Variants in MACROD2 observed in about 807,000 individuals in gnomAD.
MACROD2 encodes the protein ADP-ribose glycohydrolase MACROD2.
MACROD2 carries 36 observed loss-of-function variants against 70.4 expected under a neutral mutation model. The observed-to-expected ratio is 0.51, with a 90% confidence interval of 0.39 to 0.68. The LOEUF is 0.68. Ranked by LOEUF, MACROD2 falls within the 30% of genes least tolerant of loss-of-function variation. The probability of loss-of-function intolerance (pLI) is 0.00; values close to 1 mark genes in which losing one functional copy is unlikely to be tolerated. For synonymous variants in MACROD2, 172 were observed against 178.8 expected, an observed-to-expected ratio of 0.96 and a Z score of 0.30; for missense variants, 496 against 538.4, an observed-to-expected ratio of 0.92 and a Z score of 0.78.
At chr20:15,821,643 G>T (rs899088237) in intron 8 of MACROD2, among the ~76,000 whole-genome samples, 1 of 152,140 alleles carries the variant, frequency 6.6e-6, no homozygotes, top group Non-Finnish European at 1.5e-5. Flanking sequence ...TGGATAGTGT[G>T]TCCGTATTGA....
At chr20:14,985,171 A>T (rs1414210243) in intron 5 of MACROD2, among the ~76,000 whole-genome samples, 1 of 152,164 alleles carries the variant, frequency 6.6e-6, no homozygotes, top group Non-Finnish European at 1.5e-5. Flanking sequence ...CAAGACAGCC[A>T]CCACTTGTCT....
intron 6 of MACROD2, among the ~76,000 whole-genome samples, chr20:15,264,868 G>A (rs60994691): frequency 0.014 from 2,193 of 152,204 alleles, 55 homozygotes; most frequent in African/African-American, 0.05. Flanking sequence ...ATAGTGAGAT[G>A]GACAGACTGG....
chr20:15,969,369 G>A (rs1314656283), intron 13 of MACROD2, among the ~76,000 whole-genome samples: 2 of 151,920 alleles, frequency 1.3e-5, no homozygotes, highest in Non-Finnish European at 2.9e-5. Flanking sequence ...AAACAATAAG[G>A]CAAGAGAAGT....
At chr20:15,423,766 G>T (rs181161498) in intron 6 of MACROD2, among the ~76,000 whole-genome samples, 1 of 151,730 alleles carries the variant, frequency 6.6e-6, no homozygotes, top group Non-Finnish European at 1.5e-5. Context: ...AGGTTTCAGC[G>T]TATGGATTTA....
At chr20:14,240,157 G>A (rs187637026) in intron 3 of MACROD2, among the ~76,000 whole-genome samples, 1 of 152,274 alleles carries the variant, frequency 6.6e-6, no homozygotes, top group African/African-American at 2.4e-5. Flanking sequence ...ATACCAGTCA[G>A]AATGGCTGTC....
intron 3 of MACROD2, among the ~76,000 whole-genome samples, chr20:14,421,754 T>C (rs199529118): frequency 8.5e-5 from 13 of 152,290 alleles, no homozygotes; most frequent in Middle Eastern, 3.4e-3. Context: ...TCCATTGTGA[T>C]TGGAATTTTT....
At chr20:15,265,944 C>T (rs1336869965) in intron 6 of MACROD2, among the ~76,000 whole-genome samples, 1 of 152,224 alleles carries the variant, frequency 6.6e-6, no homozygotes, top group Non-Finnish European at 1.5e-5. Context: ...CATCTGCTAA[C>T]ATTCCCTCAG....
chr20:14,265,212 A>G (rs375385983), intron 3 of MACROD2, among the ~76,000 whole-genome samples: 2 of 152,238 alleles, frequency 1.3e-5, no homozygotes, highest in South Asian at 2.1e-4. Context: ...ATTTCCAAGT[A>G]TCACAGTGAA....
rs73897807 is a variant in MACROD2, at chr20:15,681,103, C to T, written c.645+181256C>T. On this transcript the variant is annotated intron_variant, in intron 8 of 17. Coordinates refer to ENST00000684519, the MANE Select transcript of MACROD2 (RefSeq NM_001351661.2). ...TGGGAATGAAGTGAAAACGTCCACT[C>T]CAATCTTCTTACCAAGGTACAGGCA... 6.0e-3 allele frequency among the ~76,000 whole-genome samples: 919 copies of T among 152,318 alleles called. 13 individuals carry two copies. Among genetic ancestry groups the T allele is most frequent in the African/African-American group, 0.021 (892 of 41,554 alleles).
chr20:15,355,647 A>G (rs991572336), intron 6 of MACROD2, among the ~76,000 whole-genome samples: 7 of 152,152 alleles, frequency 4.6e-5, no homozygotes, highest in African/African-American at 1.7e-4. Context: ...CTCTTTAATC[A>G]TGTGGTTGGC....
At chr20:14,242,833 A>G (rs556986241) in intron 3 of MACROD2, among the ~76,000 whole-genome samples, 1 of 152,322 alleles carries the variant, frequency 6.6e-6, no homozygotes, top group East Asian at 1.9e-4. Flanking sequence ...TTTCATTATG[A>G]TCACATCCCT....
chr20:14,643,758 C>T (rs1985221657), intron 4 of MACROD2, among the ~76,000 whole-genome samples: 1 of 152,152 alleles, frequency 6.6e-6, no homozygotes, highest in Admixed American at 6.5e-5. Context: ...CATGACAAGG[C>T]ACCTGTGGTG....
chr20:14,518,436 C>G (rs2123169065), intron 4 of MACROD2, among the ~76,000 whole-genome samples: 1 of 152,112 alleles, frequency 6.6e-6, no homozygotes, highest in East Asian at 1.9e-4. Context: ...GATAAAGCAG[C>G]CTTCTTTATT....
At chr20:14,718,467 C>T (rs1427223657) in intron 5 of MACROD2, among the ~76,000 whole-genome samples, 1 of 151,906 alleles carries the variant, frequency 6.6e-6, no homozygotes. Flanking sequence ...AACTCCTTCT[C>T]TCCCTCCACT....
At chr20:15,503,938 A>G (rs73254799) in intron 8 of MACROD2, among the ~76,000 whole-genome samples, 8,656 of 152,246 alleles carry the variant, frequency 0.057, 797 homozygotes, top group African/African-American at 0.19. Flanking sequence ...TTATTATTCA[A>G]CATTCACAAA....
chr20:15,956,660 C>T (rs2065981139), intron 12 of MACROD2, among the ~76,000 whole-genome samples: 2 of 152,166 alleles, frequency 1.3e-5, no homozygotes, highest in African/African-American at 4.8e-5. Context: ...GGAACAGCAG[C>T]AGCGGTGTCA....
intron 4 of MACROD2, among the ~76,000 whole-genome samples, chr20:14,606,650 C>T (rs1418434225): frequency 2.0e-5 from 3 of 152,202 alleles, no homozygotes; most frequent in Middle Eastern, 3.4e-3. Flanking sequence ...GTTTTCAATA[C>T]GTTTTTCTGT....
chr20:15,361,504 C>T (rs1600293401), intron 6 of MACROD2, among the ~76,000 whole-genome samples: 1 of 152,114 alleles, frequency 6.6e-6, no homozygotes, highest in Admixed American at 6.5e-5. Context: ...TAGAGTGATT[C>T]TTCCCACTTT....
rs552973266 is a variant in MACROD2 at position 14,579,454 on chromosome 20, T to A, written c.301+85946T>A. Among the ~76,000 whole-genome samples the A allele has an allele frequency of 2.5e-4, 38 of 152,358 alleles. No homozygotes were observed. In the East Asian group the frequency reaches 5.8e-3, roughly 23 times the overall value. ...CCGCGCCCGGCCAACTGTATCCAAT[T>A]CTTAATACACACTCTTTGACAAGTG... is the stretch of plus-strand genomic sequence containing the variant. On this transcript the variant is annotated intron_variant, in intron 4 of 17. Coordinates refer to ENST00000684519, the MANE Select transcript of MACROD2 (RefSeq NM_001351661.2).
Sources: gnomAD v4.1 joint callset for allele counts (sites outside exome capture counted in the v4.1 genomes callset) on GRCh38, gnomAD v4.1.1 for gene constraint, MANE v1.5 for transcripts, NCBI Gene and HGNC (gene_info 2026-07-23, HGNC 2026-07-21) for gene names.